DOK6: variants seen among roughly 807,000 people sequenced by gnomAD.
DOK6 encodes downstream of tyrosine kinase 6.
DOK6 carries 22 observed loss-of-function variants against 44.0 expected under a neutral mutation model. That is an observed-to-expected ratio of 0.50 (90% CI 0.36 to 0.71). The LOEUF (loss-of-function observed/expected upper bound fraction) is 0.71, where lower values mean the gene tolerates loss of function less well. Ranked by LOEUF, DOK6 falls within the 30% of genes least tolerant of loss-of-function variation. The pLI, the probability that DOK6 is intolerant of heterozygous loss-of-function variation, is 0.00. For missense variants in DOK6, 340 were observed against 416.4 expected, an observed-to-expected ratio of 0.82 and a Z score of 1.60; for synonymous variants, 166 against 145.5, an observed-to-expected ratio of 1.14 and a Z score of -1.01.
At chr18:69,586,027 T>C (rs926865650) in intron 2 of DOK6, among the ~76,000 whole-genome samples, 2 of 152,194 alleles carry the variant, frequency 1.3e-5, no homozygotes, top group Non-Finnish European at 2.9e-5. Context: ...TTCTGTCTTA[T>C]ATATAATGGT....
chr18:69,455,403 G>A (rs996057074), intron 1 of DOK6, among the ~76,000 whole-genome samples: 17 of 152,074 alleles, frequency 1.1e-4, no homozygotes, highest in African/African-American at 4.1e-4. Context: ...TTTCATACAC[G>A]GAGAGTCTGT....
chr18:69,711,989 T>C (rs7241487), intron 5 of DOK6, among the ~76,000 whole-genome samples: 13,392 of 152,032 alleles, frequency 0.088, 668 homozygotes, highest in Admixed American at 0.14. Flanking sequence ...GCATAAAAAA[T>C]GAACCTTTTC....
intron 1 of DOK6, among the ~76,000 whole-genome samples, chr18:69,415,144 C>T (rs1978323652): frequency 6.6e-6 from 1 of 152,050 alleles, no homozygotes; most frequent in Non-Finnish European, 1.5e-5. Flanking sequence ...AATTGATTGA[C>T]AGATACCAAA....
chr18:69,751,847 GAAA>G (rs144510296), intron 6 of DOK6, among the ~76,000 whole-genome samples: 5 of 148,528 alleles, frequency 3.4e-5, no homozygotes, highest in Non-Finnish European at 7.5e-5. Context: ...CTACAAAAAG[GAAA>G]AAAAAAGTGC....
chr18:69,764,665 C>T (rs1252451078), intron 7 of DOK6, among the ~76,000 whole-genome samples: 3 of 152,154 alleles, frequency 2.0e-5, no homozygotes, highest in Non-Finnish European at 2.9e-5. Context: ...TTATAAATTA[C>T]TCAGTTTCAG....
chr18:69,740,139 C>G (rs1177906500), intron 6 of DOK6, among the ~76,000 whole-genome samples: 1 of 152,210 alleles, frequency 6.6e-6, no homozygotes. Flanking sequence ...GGGCATTGGA[C>G]TCCCCATGGA....
intron 3 of DOK6, among the ~76,000 whole-genome samples, chr18:69,606,268 A>C (rs1983992747): frequency 7.0e-6 from 1 of 142,774 alleles, no homozygotes; most frequent in African/African-American, 2.7e-5. Flanking sequence ...GCGAAACTCC[A>C]TCTCAAAATA....
At chr18:69,832,212 C>A (rs1399284222) in intron 7 of DOK6, among the ~76,000 whole-genome samples, 1 of 152,128 alleles carries the variant, frequency 6.6e-6, no homozygotes, top group Non-Finnish European at 1.5e-5. Flanking sequence ...TCCCTCTATA[C>A]CCAATTCTTT....
intron 4 of DOK6, among the ~76,000 whole-genome samples, chr18:69,697,773 T>C (rs940903313): frequency 2.6e-5 from 4 of 152,196 alleles, no homozygotes; most frequent in Non-Finnish European, 5.9e-5. Flanking sequence ...TATCCAGGAA[T>C]GAAAAAAGTT....
chr18:69,757,121 A>G (rs564917432), intron 6 of DOK6, among the ~76,000 whole-genome samples: 1 of 152,350 alleles, frequency 6.6e-6, no homozygotes, highest in East Asian at 1.9e-4. Flanking sequence ...TATGTTTCGA[A>G]TAAACAAACA....
chr18:69,515,578 G>T, intron 1 of DOK6, among the ~76,000 whole-genome samples: 1 of 152,112 alleles, frequency 6.6e-6, no homozygotes, highest in East Asian at 1.9e-4. Flanking sequence ...TTCTGCTACA[G>T]CTCAGAAGAA....
chr18:69,508,904 A>C (rs1717571468), intron 1 of DOK6, among the ~76,000 whole-genome samples: 1 of 152,192 alleles, frequency 6.6e-6, no homozygotes, highest in African/African-American at 2.4e-5. Flanking sequence ...CTGTGGAGGA[A>C]AAGGAACCAC....
chr18:69,473,259 T>C (rs1405176137), intron 1 of DOK6, among the ~76,000 whole-genome samples: 1 of 152,208 alleles, frequency 6.6e-6, no homozygotes, highest in African/African-American at 2.4e-5. Flanking sequence ...TGAAAATATG[T>C]CCAATGAATA....
intron 3 of DOK6, chr18:69,662,713 C>T (rs1022221253): frequency 3.9e-5 from 6 of 152,352 alleles, no homozygotes; most frequent in Admixed American, 6.5e-5. Context: ...AAAATCTGCA[C>T]TTTTGAAGAT....
At chr18:69,401,936 A>T (rs1370600577) in intron 1 of DOK6, among the ~76,000 whole-genome samples, 1 of 152,138 alleles carries the variant, frequency 6.6e-6, no homozygotes, top group African/African-American at 2.4e-5. Flanking sequence ...CGTGACGGCA[A>T]AGTTGATGGA....
At chr18:69,686,380 T>G (rs1473062372) in intron 4 of DOK6, among the ~76,000 whole-genome samples, 1 of 152,222 alleles carries the variant, frequency 6.6e-6, no homozygotes, top group Admixed American at 6.5e-5. Context: ...AGTTTTGGGC[T>G]TAATTGCTGG....
chr18:69,410,042 C>G (rs537408066), intron 1 of DOK6, among the ~76,000 whole-genome samples: 1 of 152,304 alleles, frequency 6.6e-6, no homozygotes, highest in African/African-American at 2.4e-5. Flanking sequence ...AACCAAAGTA[C>G]ACCTAGTACC....
chr18:69,442,178 G>T (rs559897441), intron 1 of DOK6, among the ~76,000 whole-genome samples: 27 of 151,940 alleles, frequency 1.8e-4, no homozygotes, highest in Non-Finnish European at 2.8e-4. Flanking sequence ...GGATCAATTT[G>T]TTCATTTTAT....
In DOK6 at chr18:69,663,812, T is replaced by C. The variant is rs550691060; in HGVS notation, c.290-13922T>C. On this transcript the variant is annotated intron_variant, in intron 3 of 7. Coordinates refer to ENST00000382713, the MANE Select transcript of DOK6 (RefSeq NM_152721.6). ...ACTGTGTGACTCTGGTGGCTGTCTT[T>C]AGAATGTTTGTGGAATGTGCGGCTA... Among the ~76,000 whole-genome samples, 7 of 152,326 alleles carry C rather than the reference T, an allele frequency of 4.6e-5. No homozygotes were observed. In the East Asian group the frequency reaches 1.2e-3, roughly 25 times the overall value.
Sources: allele counts gnomAD v4.1 joint callset (sites outside exome capture counted in the v4.1 genomes callset), GRCh38; gene constraint gnomAD v4.1.1; transcripts MANE v1.5; gene names NCBI Gene and HGNC (gene_info 2026-07-23, HGNC 2026-07-21).